The following ZNF143 variants were observed in gnomAD, a reference collection of about 807,000 sequenced individuals.
ZNF143 encodes the protein zinc finger protein 143, also known as SPH-binding factor.
A neutral mutation model predicts 74.1 loss-of-function variants in ZNF143; 49 were observed. The ratio of observed to expected loss-of-function variants is 0.66; its 90% CI spans 0.53 to 0.84. ZNF143 has a LOEUF of 0.84. ZNF143 is among the 40% of genes least tolerant of loss of function. The pLI is 0.00. For synonymous variants in ZNF143, 304 were observed against 282.8 expected (o/e 1.07, Z -0.75); for missense variants, 637 against 793.4 (o/e 0.80, Z 2.37).
At chr11:9,478,675 C>CA (rs548232967) in intron 6 of ZNF143, 89 bp downstream of exon 6, 349 of 1,462,746 alleles carry the variant, frequency 2.4e-4, no homozygotes, top group South Asian at 2.5e-4. Flanking sequence ...TACACCTCAT[C>CA]AAAAAAAACC....
At chr11:9,484,799 G>GTTTT (rs1316309780) in intron 7 of ZNF143, among the ~76,000 whole-genome samples, 1 of 24,244 alleles carries the variant, frequency 4.1e-5, no homozygotes, top group African/African-American at 1.9e-4. Context: ...CCTGGCCAAA[G>GTTTT]ATTTTTTTTT....
intron 10 of ZNF143, among the ~76,000 whole-genome samples, chr11:9,499,722 A>G (rs1307404947): frequency 6.6e-6 from 1 of 152,190 alleles, no homozygotes; most frequent in East Asian, 1.9e-4. Flanking sequence ...CTCTTAAAAA[A>G]TTTAACAAAC....
intron 12 of ZNF143, 111 bp downstream of exon 12, chr11:9,508,957 CACATAA>C (rs1260332174): frequency 1.1e-5 from 12 of 1,123,238 alleles, no homozygotes; most frequent in Non-Finnish European, 1.5e-5. Context: ...TTCGTATAAT[CACATAA>C]ACATAATTTA....
At chr11:9,478,877 G>A (rs78538189) in intron 6 of ZNF143, among the ~76,000 whole-genome samples, 1,635 of 152,136 alleles carry the variant, frequency 0.011, 37 homozygotes, top group African/African-American at 0.037. Flanking sequence ...TAAGTGAAGT[G>A]TGGAAAGATT....
chr11:9,473,109 G>C (rs1174321748), intron 3 of ZNF143, among the ~76,000 whole-genome samples: 2 of 151,854 alleles, frequency 1.3e-5, no homozygotes, highest in African/African-American at 4.8e-5. Flanking sequence ...AGACATTTGG[G>C]GCCGGGCATG....
At chr11:9,521,935 G>A (rs938117620) in intron 14 of ZNF143, among the ~76,000 whole-genome samples, 6 of 151,796 alleles carry the variant, frequency 4.0e-5, no homozygotes, top group Non-Finnish European at 7.4e-5. Flanking sequence ...GTGTGGTGGC[G>A]CATGCCAGTA....
At chr11:9,491,653 A>C (rs1314326668) in intron 7 of ZNF143, among the ~76,000 whole-genome samples, 2 of 151,776 alleles carry the variant, frequency 1.3e-5, no homozygotes, top group African/African-American at 2.4e-5. Context: ...AAAAAAAGAC[A>C]GGTGTCTCAC....
intron 7 of ZNF143, among the ~76,000 whole-genome samples, chr11:9,486,123 A>G (rs1032940232): frequency 8.0e-5 from 12 of 149,766 alleles, no homozygotes. Context: ...TTTGTAAATC[A>G]TAGTTGATAT....
intron 13 of ZNF143, among the ~76,000 whole-genome samples, chr11:9,513,858 G>T (rs1160475992): frequency 6.6e-6 from 1 of 152,114 alleles, no homozygotes; most frequent in Non-Finnish European, 1.5e-5. Flanking sequence ...ACTACACTCC[G>T]GCCTGGACAT....
Position 9,512,298 on chromosome 11 carries a change from T to C in ZNF143, c.1376-150T>C, listed in dbSNP as rs1004919595. The C allele has an allele frequency of 1.4e-5, 13 of 915,304 alleles. No homozygotes were observed. In the African/African-American group the frequency reaches 2.0e-4, roughly 14 times the overall value. The allele number at this position is 915,304 out of a possible 1,614,324, so 56.7% of individuals were successfully genotyped here. ...TTTGCAAAAGTGGAGGTGGAGGAAT[T>C]GGAAGGAGGTCCTGGAAGCCATTTT... On this transcript the variant is annotated intron_variant, in intron 12 of 15. Coordinates refer to ENST00000396602, the MANE Select transcript of ZNF143 (RefSeq NM_003442.6).
intron 5 of ZNF143, among the ~76,000 whole-genome samples, chr11:9,475,340 G>T (rs578192712): frequency 1.3e-5 from 2 of 152,026 alleles, no homozygotes; most frequent in African/African-American, 4.8e-5. Flanking sequence ...GCTCACTATA[G>T]CCCTGAATTC....
chr11:9,477,366 T>G (rs570329013), intron 5 of ZNF143, among the ~76,000 whole-genome samples: 33 of 152,202 alleles, frequency 2.2e-4, no homozygotes, highest in African/African-American at 6.7e-4. Context: ...GCGATTCTCC[T>G]GCTTCAGCCT....
intron 7 of ZNF143, among the ~76,000 whole-genome samples, chr11:9,482,871 G>C (rs1467449494): frequency 6.6e-6 from 1 of 151,364 alleles, no homozygotes; most frequent in African/African-American, 2.5e-5. Flanking sequence ...TTCTTATATT[G>C]ATAACGTTGA....
At chr11:9,523,691 G>A (rs1025709297) in intron 14 of ZNF143, among the ~76,000 whole-genome samples, 4 of 151,448 alleles carry the variant, frequency 2.6e-5, no homozygotes, top group Admixed American at 1.3e-4. Flanking sequence ...CCAAGACGGC[G>A]CCACTGCACT....
At chr11:9,526,871 C>G (rs908897379) in intron 15 of ZNF143, among the ~76,000 whole-genome samples, 1 of 152,208 alleles carries the variant, frequency 6.6e-6, no homozygotes, top group African/African-American at 2.4e-5. Flanking sequence ...GTCACCCAGG[C>G]TGGAGTGCAG....
chr11:9,498,227 T>C (rs938792517), intron 10 of ZNF143, among the ~76,000 whole-genome samples: 1 of 152,172 alleles, frequency 6.6e-6, no homozygotes, highest in African/African-American at 2.4e-5. Flanking sequence ...ACCCTGAAAT[T>C]CCATATGACT....
At chr11:9,515,773 G>T (rs528045264) in intron 13 of ZNF143, among the ~76,000 whole-genome samples, 33 of 152,146 alleles carry the variant, frequency 2.2e-4, no homozygotes, top group Non-Finnish European at 3.8e-4. Context: ...TTGAGGCCAG[G>T]AGTCTGAGAC....
intron 7 of ZNF143, among the ~76,000 whole-genome samples, chr11:9,493,772 C>A (rs723297): frequency 0.61 from 92,012 of 151,924 alleles, 28,354 homozygotes; most frequent in Non-Finnish European, 0.67. Flanking sequence ...GTCATTCTTC[C>A]ATTTTTATGA....
chr11:9,483,751 T>C (rs1316382991), intron 7 of ZNF143, among the ~76,000 whole-genome samples: 2 of 121,360 alleles, frequency 1.6e-5, no homozygotes, highest in Non-Finnish European at 3.8e-5. Context: ...GCCGGAATTC[T>C]TTTTTTTTTT....
Sources: gnomAD v4.1 joint callset for allele counts (sites outside exome capture counted in the v4.1 genomes callset) on GRCh38, gnomAD v4.1.1 for gene constraint, MANE v1.5 for transcripts, NCBI Gene and HGNC (gene_info 2026-07-23, HGNC 2026-07-21) for gene names.